LRP1B: variants seen among roughly 807,000 people sequenced by gnomAD.
LRP1B encodes LDL receptor related protein 1B.
In LRP1B, 217 loss-of-function variants were observed where a neutral mutation model predicts 556.6. The observed-to-expected ratio is 0.39, with a 90% CI of 0.35 to 0.44. LRP1B has a LOEUF of 0.44. Ranked by LOEUF, LRP1B falls within the 20% of genes least tolerant of loss-of-function variation. The pLI, the probability that LRP1B is intolerant of heterozygous loss-of-function variation, is 1.00. For synonymous variants in LRP1B, 2,047 were observed against 1,865.8 expected, an observed-to-expected ratio of 1.10 and a Z score of -2.50; for missense variants, 5,053 against 5,620.8, an observed-to-expected ratio of 0.90 and a Z score of 3.23.
intron 2 of LRP1B, among the ~76,000 whole-genome samples, chr2:141,557,884 T>A (rs1487766521): frequency 6.6e-6 from 1 of 151,878 alleles, no homozygotes. Context: ...AACTTAGCAG[T>A]TGGGCTGTGG....
chr2:141,969,324 T>C (rs1243200560), intron 1 of LRP1B, among the ~76,000 whole-genome samples: 1 of 151,614 alleles, frequency 6.6e-6, no homozygotes, highest in African/African-American at 2.4e-5. Context: ...ATTTACTATA[T>C]TCACCATGTT....
intron 33 of LRP1B, 129 bp from the exon 34 acceptor site, chr2:140,771,135 A>G (rs1186005108): frequency 3.3e-6 from 2 of 599,962 alleles, no homozygotes; most frequent in Non-Finnish European, 2.8e-6. Flanking sequence ...ATACTGGTTA[A>G]AGATTACGCT....
At chr2:141,035,178 G>A (rs1698494677) in intron 11 of LRP1B, among the ~76,000 whole-genome samples, 1 of 151,724 alleles carries the variant, frequency 6.6e-6, no homozygotes, top group South Asian at 2.1e-4. Flanking sequence ...ACACAGGAAG[G>A]GGAACATCAC....
chr2:141,064,328 G>A (rs1699422267), intron 7 of LRP1B, among the ~76,000 whole-genome samples: 1 of 151,876 alleles, frequency 6.6e-6, no homozygotes, highest in African/African-American at 2.4e-5. Flanking sequence ...GTTTAGTTAT[G>A]GAGGAAGAGT....
intron 1 of LRP1B, among the ~76,000 whole-genome samples, chr2:142,101,644 T>C (rs1706572419): frequency 6.6e-6 from 1 of 151,942 alleles, no homozygotes; most frequent in Non-Finnish European, 1.5e-5. Flanking sequence ...AACTGTTTCT[T>C]CTAGAATTAC....
chr2:141,266,978 G>A (rs577638975), intron 3 of LRP1B, among the ~76,000 whole-genome samples: 1 of 152,238 alleles, frequency 6.6e-6, no homozygotes, highest in African/African-American at 2.4e-5. Context: ...ATAACGTAAA[G>A]CAAAATATGT....
intron 2 of LRP1B, among the ~76,000 whole-genome samples, chr2:141,725,077 T>C (rs1692978075): frequency 6.6e-6 from 1 of 151,876 alleles, no homozygotes; most frequent in Non-Finnish European, 1.5e-5. Flanking sequence ...ATAAGGGCAA[T>C]ATGGCACAAG....
chr2:141,829,267 A>G (rs959911905), intron 1 of LRP1B, among the ~76,000 whole-genome samples: 11 of 152,114 alleles, frequency 7.2e-5, no homozygotes, highest in African/African-American at 2.2e-4. Context: ...CTGCAAAATA[A>G]GATTTTTATT....
chr2:140,970,326 A>T (rs1044888544), intron 18 of LRP1B, among the ~76,000 whole-genome samples: 12 of 152,084 alleles, frequency 7.9e-5, no homozygotes, highest in African/African-American at 2.9e-4. Flanking sequence ...GGCTACTGAC[A>T]CTTGTGCATT....
chr2:141,509,361 G>A (rs1207359850), intron 2 of LRP1B, among the ~76,000 whole-genome samples: 1 of 152,178 alleles, frequency 6.6e-6, no homozygotes. Flanking sequence ...CTGTGCTACT[G>A]AGCCTGTCTG....
intron 17 of LRP1B, among the ~76,000 whole-genome samples, chr2:140,982,744 A>G (rs1696808289): frequency 6.6e-6 from 1 of 152,156 alleles, no homozygotes; most frequent in Non-Finnish European, 1.5e-5. Flanking sequence ...ATGGGGTCGA[A>G]TTGTCCTATT....
At position 141,876,628 on chromosome 2, in the gene LRP1B, T is replaced by A. The variant is rs1265132194; in HGVS notation, c.83-66227A>T. 7.5e-5 allele frequency among the ~76,000 whole-genome samples: 11 copies of A among 147,198 alleles called. No homozygotes were observed. In the South Asian group the frequency reaches 2.4e-3, roughly 32 times the overall value. On this transcript the variant is annotated intron_variant, in intron 1 of 90. Coordinates refer to ENST00000389484, the MANE Select transcript of LRP1B (RefSeq NM_018557.3). ...TCTTCTTAACCTGGAATATTACCAC[T>A]CATTTTTTTATAGTAGTAGTTGACA...
Position 140,923,121 on chromosome 2 carries a change from C to T in LRP1B, c.3163G>A (p.Gly1055Arg), listed in dbSNP as rs769461582. 171 of 1,611,188 alleles carry T rather than the reference C, an allele frequency of 1.1e-4. No homozygotes were observed. Among genetic ancestry groups the T allele is most frequent in the Admixed American group, 8.6e-4 (51 of 59,642 alleles). The change falls in exon 21 of 91, where the codon GGA (glycine) becomes AGA (arginine). Residue 1055 changes from glycine (G) to arginine (R), a missense_variant. By Grantham distance (125) the Gly-to-Arg change is moderately radical (BLOSUM62 -2). Around this residue, in one of 5 missense-constraint regions of LRP1B, gnomAD observed 3,619 missense variants for 3,931.9 expected, o/e 0.92. Coordinates refer to ENST00000389484, the MANE Select transcript of LRP1B (RefSeq NM_018557.3). ...TCAGGGTGGCACTGAAATTCATTTCCGTTACAACCAGCAGGAGAATGAATC... is the reference window on the plus strand; with the variant it reads ...TCAGGGTGGCACTGAAATTCATTTCTGTTACAACCAGCAGGAGAATGAATC... ...EEIHSPAGCNGNEFQCHPDGN... is the reference protein window; with the variant it reads ...EEIHSPAGCNRNEFQCHPDGN...
At chr2:141,330,347 CAT>C (rs1687593631) in intron 3 of LRP1B, among the ~76,000 whole-genome samples, 1 of 99,962 alleles carries the variant, frequency 1.0e-5, no homozygotes, top group Non-Finnish European at 2.2e-5. Flanking sequence ...ATCGATCTCA[CAT>C]GTTAACAACT....
chr2:140,984,321 T>G (rs758803757), intron 17 of LRP1B, among the ~76,000 whole-genome samples: 1 of 152,006 alleles, frequency 6.6e-6, no homozygotes, highest in Admixed American at 6.6e-5. Context: ...CTTTTCTTTT[T>G]CTTTTCCATA....
intron 2 of LRP1B, among the ~76,000 whole-genome samples, chr2:141,747,162 C>T (rs1217299912): frequency 1.3e-5 from 2 of 152,096 alleles, no homozygotes; most frequent in Non-Finnish European, 2.9e-5. Flanking sequence ...AAAAACCACA[C>T]AAACAGAATC....
chr2:140,453,957 G>A (rs1002667534), intron 62 of LRP1B, among the ~76,000 whole-genome samples: 5 of 152,000 alleles, frequency 3.3e-5, no homozygotes, highest in Non-Finnish European at 2.9e-5. Context: ...TTCCTTTAAA[G>A]GTCTACCTCA....
At chr2:140,267,685 G>A (rs1404266983) in intron 86 of LRP1B, among the ~76,000 whole-genome samples, 2 of 151,876 alleles carry the variant, frequency 1.3e-5, no homozygotes, top group African/African-American at 2.4e-5. Flanking sequence ...CGAATGTGGA[G>A]TGTGGGGATA....
chr2:141,900,701 A>T (rs764950303), intron 1 of LRP1B, among the ~76,000 whole-genome samples: 1 of 152,060 alleles, frequency 6.6e-6, no homozygotes, highest in Non-Finnish European at 1.5e-5. Flanking sequence ...AAGATTCTTC[A>T]ATTTATATTT....
Sources: gnomAD v4.1 joint callset for allele counts (sites outside exome capture counted in the v4.1 genomes callset) on GRCh38, gnomAD v4.1.1 for gene constraint, gnomAD v4.1.1 regional missense constraint, MANE v1.5 for transcripts, NCBI Gene and HGNC (gene_info 2026-07-23, HGNC 2026-07-21) for gene names.